CSMD1: variants seen among roughly 807,000 people sequenced by gnomAD.
CSMD1 encodes the protein CUB and Sushi multiple domains 1, also known as CUB and sushi domain-containing protein 1.
Under a neutral mutation model 417.5 loss-of-function variants are expected in CSMD1, and 213 were observed. The observed-to-expected ratio is 0.51, with a 90% CI of 0.46 to 0.57. CSMD1 has a LOEUF of 0.57. Among genes scored for constraint, CSMD1 ranks in the 20% least tolerant of loss-of-function variants. The pLI is 0.00. For synonymous variants in CSMD1, 2,862 were observed against 1,736.8 expected (o/e 1.65, Z -16.11); for missense variants, 6,923 against 4,529.7 (o/e 1.53, Z -15.17).
chr8:3,179,140 T>A (rs970305611), intron 37 of CSMD1, among the ~76,000 whole-genome samples: 2 of 150,902 alleles, frequency 1.3e-5, no homozygotes, highest in Non-Finnish European at 2.9e-5. Flanking sequence ...AGATACGGGG[T>A]TTCAACGTGT....
chr8:3,110,656 G>C (rs996328286), intron 42 of CSMD1, among the ~76,000 whole-genome samples: 2 of 152,156 alleles, frequency 1.3e-5, no homozygotes, highest in Non-Finnish European at 2.9e-5. Context: ...ACCCATCTGA[G>C]TGTCCAGCAC....
intron 7 of CSMD1, among the ~76,000 whole-genome samples, chr8:3,638,585 G>T (rs780432476): frequency 6.6e-6 from 1 of 152,180 alleles, no homozygotes; most frequent in African/African-American, 2.4e-5. Context: ...GTGCAATCTG[G>T]AAAGGGTCAG....
chr8:3,396,165 C>T (rs963697220), intron 17 of CSMD1, 29 bp downstream of exon 17: 2 of 1,541,784 alleles, frequency 1.3e-6, no homozygotes, highest in East Asian at 2.4e-5. Flanking sequence ...TGCTGCCCTG[C>T]CGGGCTGTCA....
chr8:4,271,743 T>C (rs1330832218), intron 3 of CSMD1, among the ~76,000 whole-genome samples: 1 of 152,186 alleles, frequency 6.6e-6, no homozygotes, highest in African/African-American at 2.4e-5. Context: ...ATGATTAATA[T>C]ACTTATACAT....
At chr8:3,400,851 T>C (rs910209376) in intron 15 of CSMD1, among the ~76,000 whole-genome samples, 5 of 151,382 alleles carry the variant, frequency 3.3e-5, no homozygotes, top group African/African-American at 1.2e-4. Flanking sequence ...TTGTTATTTT[T>C]ATACCTATGC....
intron 1 of CSMD1, among the ~76,000 whole-genome samples, chr8:4,770,618 A>G: frequency 6.6e-6 from 1 of 152,126 alleles, no homozygotes; most frequent in East Asian, 1.9e-4. Context: ...GAAAAGGCAC[A>G]TGGACCAGCG....
intron 18 of CSMD1, among the ~76,000 whole-genome samples, chr8:3,370,940 C>A (rs936437412): frequency 1.3e-5 from 2 of 152,020 alleles, no homozygotes; most frequent in Admixed American, 6.5e-5. Context: ...CACGCCATTG[C>A]ACTCCAGCCT....
At chr8:4,537,265 A>G (rs1563266849) in intron 2 of CSMD1, among the ~76,000 whole-genome samples, 2 of 152,200 alleles carry the variant, frequency 1.3e-5, no homozygotes, top group Admixed American at 6.5e-5. Context: ...TATTTTTAGA[A>G]ATAAATTATC....
At chr8:3,448,660 G>C (rs1219290386) in intron 12 of CSMD1, among the ~76,000 whole-genome samples, 3 of 152,070 alleles carry the variant, frequency 2.0e-5, no homozygotes, top group Non-Finnish European at 2.9e-5. Flanking sequence ...CATGAGTGGA[G>C]GCCAAGTGGG....
intron 10 of CSMD1, among the ~76,000 whole-genome samples, chr8:3,522,575 G>A (rs898099622): frequency 6.6e-6 from 1 of 152,068 alleles, no homozygotes; most frequent in Non-Finnish European, 1.5e-5. Context: ...AGAAAGAAAT[G>A]GGAACACTAC....
At chr8:3,302,397 A>G (rs1222676958) in intron 25 of CSMD1, among the ~76,000 whole-genome samples, 1 of 151,906 alleles carries the variant, frequency 6.6e-6, no homozygotes, top group African/African-American at 2.4e-5. Flanking sequence ...CTGGCTGCCT[A>G]TCTAAGGTCT....
intron 5 of CSMD1, among the ~76,000 whole-genome samples, chr8:3,976,416 G>A (rs1194978397): frequency 6.6e-6 from 1 of 152,144 alleles, no homozygotes; most frequent in Admixed American, 6.5e-5. Context: ...ACTAGCATGA[G>A]CTTCATCAAG....
In CSMD1 at chr8:3,715,825, G is replaced by A. The variant is rs963075756; in HGVS notation, c.932-7334C>T. 3.3e-5 allele frequency among the ~76,000 whole-genome samples: 5 copies of A among 152,298 alleles called. No homozygotes were observed. The East Asian group carries it at 5.8e-4, about 18-fold the overall frequency. On this transcript the variant is annotated intron_variant, in intron 6 of 69. Transcript: ENST00000635120. ...CCCAAAGTGCTGGGATTGCAGGCAT[G>A]AGCCACAGCGCCCGGCCTGCAAACA...
At chr8:3,580,600 T>C (rs769630670) in intron 9 of CSMD1, among the ~76,000 whole-genome samples, 6 of 152,138 alleles carry the variant, frequency 3.9e-5, no homozygotes, top group Admixed American at 6.5e-5. Flanking sequence ...GAGAAAAATA[T>C]ATTTTCTCCC....
At chr8:3,870,743 A>G (rs2129112229) in intron 5 of CSMD1, among the ~76,000 whole-genome samples, 1 of 152,042 alleles carries the variant, frequency 6.6e-6, no homozygotes, top group East Asian at 1.9e-4. Context: ...TCCTATGGCC[A>G]TTTTTAACCA....
intron 3 of CSMD1, among the ~76,000 whole-genome samples, chr8:4,135,794 T>C (rs551088368): frequency 3.9e-5 from 6 of 152,314 alleles, no homozygotes; most frequent in African/African-American, 1.2e-4. Context: ...GGAATAAAAA[T>C]CTAGTTAATA....
intron 3 of CSMD1, among the ~76,000 whole-genome samples, chr8:4,356,098 T>C (rs1482835929): frequency 6.6e-6 from 1 of 152,182 alleles, no homozygotes; most frequent in Non-Finnish European, 1.5e-5. Flanking sequence ...CTTTTATCCC[T>C]CACACACCTC....
chr8:4,448,622 G>A (rs951547535), intron 2 of CSMD1, among the ~76,000 whole-genome samples: 18 of 152,226 alleles, frequency 1.2e-4, no homozygotes, highest in African/African-American at 4.3e-4. Context: ...TAAATGTAAT[G>A]GTGGGAAAAT....
At chr8:4,048,617 G>A (rs1054234387) in intron 3 of CSMD1, among the ~76,000 whole-genome samples, 11 of 152,208 alleles carry the variant, frequency 7.2e-5, no homozygotes, top group Admixed American at 1.3e-4. Context: ...ACACCAAACA[G>A]GTAATTCTTA....
Sources: gnomAD v4.1 joint callset for allele counts (sites outside exome capture counted in the v4.1 genomes callset) on GRCh38, gnomAD v4.1.1 for gene constraint, MANE v1.5 for transcripts, NCBI Gene and HGNC (gene_info 2026-07-23, HGNC 2026-07-21) for gene names.